Variants in MZT2A observed in about 807,000 individuals in gnomAD.
The protein encoded by MZT2A is mitotic spindle organizing protein 2A.
A neutral mutation model predicts 12.4 loss-of-function variants in MZT2A; 8 were observed. The ratio of observed to expected loss-of-function variants is 0.64; its 90% CI spans 0.38 to 1.16. The LOEUF (loss-of-function observed/expected upper bound fraction) is 1.16. MZT2A is among the 50% of genes most tolerant of loss of function. The pLI is 0.01. For synonymous variants in MZT2A, 88 were observed against 107.5 expected, an observed-to-expected ratio of 0.82 and a Z score of 1.12; for missense variants, 181 against 223.6, an observed-to-expected ratio of 0.81 and a Z score of 1.22.
At chr2:131,493,178 G>A (rs1679421563), upstream of MZT2A, 1 of 1,413,136 alleles carries the variant, frequency 7.1e-7, no homozygotes, top group Non-Finnish European at 9.2e-7. Context: ...ACGGTCCGAC[G>A]CCCTGGGGGC....
At chr2:131,488,051 C>T (rs1679124926) in intron 2 of MZT2A, among the ~76,000 whole-genome samples, 1 of 152,144 alleles carries the variant, frequency 6.6e-6, no homozygotes, top group Non-Finnish European at 1.5e-5. Context: ...TTTTTGCATT[C>T]CCTTTTGTAC....
intron 2 of MZT2A, chr2:131,476,044 C>T (rs1678651741): frequency 1.4e-6 from 2 of 1,423,572 alleles, no homozygotes; most frequent in Non-Finnish European, 1.9e-6. Context: ...CGGCCCTCAG[C>T]CCGCCTCCCA....
intron 2 of MZT2A, among the ~76,000 whole-genome samples, chr2:131,487,918 C>T (rs1347205449): frequency 1.3e-5 from 2 of 152,202 alleles, no homozygotes; most frequent in Non-Finnish European, 2.9e-5. Context: ...AGATGTGTGC[C>T]ACCATGCCCT....
chr2:131,474,290 G>A (rs1678576088), intron 2 of MZT2A, among the ~76,000 whole-genome samples: 1 of 151,834 alleles, frequency 6.6e-6, no homozygotes, highest in African/African-American at 2.4e-5. Context: ...GTAGAGACGG[G>A]GTTTTACCGT....
chr2:131,492,411 C>T, upstream of MZT2A: 1 of 1,225,198 alleles, frequency 8.2e-7, no homozygotes, highest in Non-Finnish European at 1.0e-6. Flanking sequence ...CCCCGCCCCG[C>T]CGCGCCCCCT....
intron 2 of MZT2A, among the ~76,000 whole-genome samples, chr2:131,477,553 T>C: frequency 7.0e-6 from 1 of 143,406 alleles, no homozygotes; most frequent in Non-Finnish European, 1.5e-5. Context: ...GGGAGTACCC[T>C]GGCACTGCTT....
downstream of MZT2A, among the ~76,000 whole-genome samples, chr2:131,481,263 T>C (rs1374017860): frequency 6.6e-6 from 1 of 151,760 alleles, no homozygotes; most frequent in East Asian, 1.9e-4. Context: ...TGGTGAGCTT[T>C]ATTTATTTAT....
intron 2 of MZT2A, among the ~76,000 whole-genome samples, chr2:131,489,003 C>A (rs1242632527): frequency 1.3e-5 from 2 of 151,600 alleles, no homozygotes; most frequent in Non-Finnish European, 2.9e-5. Flanking sequence ...CTGTGCCCCC[C>A]CACCTGCCTC....
chr2:131,487,489 TAAATAA>T (rs752601470), intron 2 of MZT2A, among the ~76,000 whole-genome samples: 4 of 152,234 alleles, frequency 2.6e-5, no homozygotes, highest in Middle Eastern at 6.8e-3. Context: ...AATAAATAAA[TAAATAA>T]AAAGTAAAAG....
At chr2:131,489,932 A>G in intron 2 of MZT2A, 1 of 976,622 alleles carries the variant, frequency 1.0e-6, no homozygotes, top group Non-Finnish European at 1.2e-6. Flanking sequence ...GTGCTAAGTG[A>G]GCAGCAACAT....
upstream of MZT2A, chr2:131,492,952 C>A: frequency 2.0e-6 from 3 of 1,525,636 alleles, no homozygotes; most frequent in East Asian, 2.5e-5. Flanking sequence ...ATTTCCCCTC[C>A]CTGGCCGGCC....
intron 2 of MZT2A, among the ~76,000 whole-genome samples, chr2:131,477,713 G>A (rs183704560): frequency 1.3e-5 from 2 of 151,292 alleles, no homozygotes; most frequent in Non-Finnish European, 2.9e-5. Context: ...AGAACTGGGG[G>A]GTAGAGAGAG....
downstream of MZT2A, chr2:131,479,564 G>A (rs1455016115): frequency 7.7e-6 from 12 of 1,553,952 alleles, no homozygotes; most frequent in East Asian, 1.1e-4. Flanking sequence ...TCTTGGCCGG[G>A]CGCGGTGGCT....
downstream of MZT2A, among the ~76,000 whole-genome samples, chr2:131,482,213 A>T (rs1678888087): frequency 6.6e-6 from 1 of 152,200 alleles, no homozygotes; most frequent in African/African-American, 2.4e-5. Context: ...AAGTTTAGCT[A>T]CAGAATTTAA....
At chr2:131,487,030 G>C in intron 2 of MZT2A, among the ~76,000 whole-genome samples, 1 of 152,126 alleles carries the variant, frequency 6.6e-6, no homozygotes, top group East Asian at 1.9e-4. Flanking sequence ...TGCTCCCTCG[G>C]GAGGGGCTAC....
chr2:131,478,148 A>G, intron 2 of MZT2A: 1 of 1,606,160 alleles, frequency 6.2e-7, no homozygotes, highest in Non-Finnish European at 8.5e-7. Flanking sequence ...GTTCACTTTT[A>G]TGTTCCTGTT....
intron 2 of MZT2A, among the ~76,000 whole-genome samples, chr2:131,489,168 C>G (rs1441908512): frequency 6.6e-6 from 1 of 152,190 alleles, no homozygotes; most frequent in African/African-American, 2.4e-5. Flanking sequence ...CCTCCCAACT[C>G]CATTGCTAGT....
chr2:131,476,817 T>C (rs1678688006), intron 2 of MZT2A, among the ~76,000 whole-genome samples: 1 of 151,226 alleles, frequency 6.6e-6, no homozygotes, highest in African/African-American at 2.5e-5. Flanking sequence ...AGTCTGTGGT[T>C]CCAGCTACTC....
downstream of MZT2A, among the ~76,000 whole-genome samples, chr2:131,479,009 G>A (rs1385274466): frequency 6.6e-6 from 1 of 152,246 alleles, no homozygotes; most frequent in African/African-American, 2.4e-5. Context: ...GTAGCTACAC[G>A]TAGGAAAGAA....
Sources: allele counts gnomAD v4.1 joint callset (sites outside exome capture counted in the v4.1 genomes callset), GRCh38; gene constraint gnomAD v4.1.1; transcripts MANE v1.5; gene names NCBI Gene and HGNC (gene_info 2026-07-23, HGNC 2026-07-21).